Variants in TPD52 observed in about 807,000 individuals in gnomAD.
TPD52 encodes the protein prostate and colon associated protein.
TPD52 carries 17 observed loss-of-function variants against 31.3 expected under a neutral mutation model. The ratio of observed to expected loss-of-function variants is 0.54; its 90% CI spans 0.37 to 0.82. The LOEUF is 0.82. Among genes scored for constraint, TPD52 ranks in the 40% least tolerant of loss-of-function variants. The pLI is 0.00. For missense variants in TPD52, 212 were observed against 240.1 expected (o/e 0.88, Z 0.77); for synonymous variants, 83 against 89.6 (o/e 0.93, Z 0.42).
chr8:80,080,587 C>A (rs1815163669), intron 1 of TPD52: 3 of 1,404,740 alleles, frequency 2.1e-6, no homozygotes, highest in Non-Finnish European at 2.8e-6. Flanking sequence ...GAGGCCCTGG[C>A]TTCTGGGCCC....
At chr8:80,111,218 TAAAAATA>T (rs1281076437) in intron 1 of TPD52, among the ~76,000 whole-genome samples, 1 of 151,230 alleles carries the variant, frequency 6.6e-6, no homozygotes, top group Non-Finnish European at 1.5e-5. Flanking sequence ...TCTCTAAAAA[TAAAAATA>T]AAAAATAAAA....
At chr8:80,134,048 C>A (rs1183361269) in intron 1 of TPD52, among the ~76,000 whole-genome samples, 1 of 152,206 alleles carries the variant, frequency 6.6e-6, no homozygotes, top group African/African-American at 2.4e-5. Context: ...GAGTCAGTGA[C>A]ATGGCAGACA....
chr8:80,102,649 T>C (rs1334569922), intron 1 of TPD52, among the ~76,000 whole-genome samples: 1 of 152,196 alleles, frequency 6.6e-6, no homozygotes, highest in African/African-American at 2.4e-5. Context: ...TTTCCTGACA[T>C]AGAGCTCCTA....
Position 80,072,377 on chromosome 8 carries a change from A to G in TPD52, c.20-7784T>C, listed in dbSNP as rs1332868382. Among the ~76,000 whole-genome samples, 406 of 147,006 alleles carry G rather than the reference A, an allele frequency of 2.8e-3. 29 individuals are homozygous for G. Among genetic ancestry groups the G allele is most frequent in the African/African-American group, 0.01 (381 of 37,996 alleles). On this transcript the variant is annotated intron_variant, in intron 1 of 7. Coordinates refer to ENST00000518937, the MANE Select transcript of TPD52 (RefSeq NM_001025253.3). ...TGTGTATATACATGTACACATAGAT[A>G]TGCGTGTATATACATGTACACATAG... is the stretch of plus-strand genomic sequence containing the variant.
intron 1 of TPD52, among the ~76,000 whole-genome samples, chr8:80,090,946 G>T (rs1816208070): frequency 6.6e-6 from 1 of 152,176 alleles, no homozygotes; most frequent in African/African-American, 2.4e-5. Flanking sequence ...AACTAAAATT[G>T]AGTTAATGTC....
chr8:80,120,229 C>T (rs1808164470), intron 1 of TPD52, among the ~76,000 whole-genome samples: 1 of 152,104 alleles, frequency 6.6e-6, no homozygotes, highest in Admixed American at 6.6e-5. Flanking sequence ...GTGGCTCATG[C>T]CTGTAATCCT....
intron 1 of TPD52, among the ~76,000 whole-genome samples, chr8:80,091,044 G>A (rs566432652): frequency 6.6e-6 from 1 of 152,314 alleles, no homozygotes; most frequent in South Asian, 2.1e-4. Context: ...AGCATAAGAT[G>A]TCATTCCCTC....
In TPD52 at chr8:80,171,363, A is replaced by AAAGCCCGAGTCCAAGCCCGAGTCC. The variant is rs201086010; in HGVS notation, c.19+38_19+61dup. The AAAGCCCGAGTCCAAGCCCGAGTCC allele has an allele frequency of 1.1e-5, 18 of 1,588,136 alleles. 1 individual carries two copies. In the Admixed American group the frequency reaches 2.0e-4, roughly 18 times the overall value. On this transcript the variant is annotated intron_variant, in intron 1 of 7. Coordinates refer to ENST00000518937, the MANE Select transcript of TPD52 (RefSeq NM_001025253.3). ...GCCGCGCTCAGCCCCGCGCCGAGCC[A>AAAGCCCGAGTCCAAGCCCGAGTCC]AAGCCCGAGTCCAAGCCCGAGTCCA...
At chr8:80,165,681 T>C (rs1478052789) in intron 1 of TPD52, among the ~76,000 whole-genome samples, 1 of 152,220 alleles carries the variant, frequency 6.6e-6, no homozygotes, top group African/African-American at 2.4e-5. Context: ...AAACCTTACC[T>C]TCCTAGTTAC....
intron 2 of TPD52, among the ~76,000 whole-genome samples, chr8:80,058,599 AC>A (rs917485398): frequency 4.8e-4 from 73 of 152,268 alleles, no homozygotes; most frequent in African/African-American, 1.6e-3. Context: ...GGAGTTCAAG[AC>A]CAGCCTGGCC....
intron 1 of TPD52, among the ~76,000 whole-genome samples, chr8:80,096,599 T>C (rs1816763886): frequency 1.3e-5 from 2 of 152,154 alleles, no homozygotes; most frequent in Non-Finnish European, 2.9e-5. Context: ...ATTTTGCTAA[T>C]TCTCTCATTA....
At chr8:80,151,581 G>GT (rs1455875236) in intron 1 of TPD52, among the ~76,000 whole-genome samples, 4 of 152,140 alleles carry the variant, frequency 2.6e-5, no homozygotes, top group African/African-American at 7.2e-5. Flanking sequence ...AAAAAGATCA[G>GT]TTTTTTCTGG....
chr8:80,102,362 T>G (rs2130935369), intron 1 of TPD52, among the ~76,000 whole-genome samples: 1 of 152,304 alleles, frequency 6.6e-6, no homozygotes, highest in South Asian at 2.1e-4. Context: ...GTCAGCTGGT[T>G]TTCCAGAGAA....
chr8:80,044,129 G>C (rs1183404088), intron 6 of TPD52, 38 bp downstream of exon 6: 69 of 1,537,048 alleles, frequency 4.5e-5, no homozygotes, highest in Non-Finnish European at 5.6e-5. Flanking sequence ...GAAAAATAAA[G>C]CATAAGACCA....
chr8:80,065,799 A>T (rs889012785), intron 1 of TPD52, among the ~76,000 whole-genome samples: 34 of 152,124 alleles, frequency 2.2e-4, no homozygotes, highest in African/African-American at 7.0e-4. Flanking sequence ...TTTTACATTA[A>T]TTTTTAAAAA....
At chr8:80,108,943 A>AT (rs1318938673) in intron 1 of TPD52, among the ~76,000 whole-genome samples, 6 of 152,226 alleles carry the variant, frequency 3.9e-5, no homozygotes, top group East Asian at 1.9e-4. Context: ...ACTTGTGAAG[A>AT]TTTTTTTTAT....
At chr8:80,115,809 T>A (rs1385141613) in intron 1 of TPD52, among the ~76,000 whole-genome samples, 1 of 152,178 alleles carries the variant, frequency 6.6e-6, no homozygotes. Context: ...AGAACGGAAA[T>A]GGAGGATAAA....
chr8:80,144,383 G>A (rs917726154), intron 1 of TPD52, among the ~76,000 whole-genome samples: 13 of 152,088 alleles, frequency 8.5e-5, no homozygotes, highest in African/African-American at 2.7e-4. Context: ...ATATGGGACA[G>A]CCCATAAAAA....
intron 1 of TPD52, among the ~76,000 whole-genome samples, chr8:80,068,382 A>G (rs1231286118): frequency 6.6e-6 from 1 of 152,334 alleles, no homozygotes; most frequent in East Asian, 1.9e-4. Flanking sequence ...CAGGACAAGG[A>G]AACAGGGCCT....
Sources: allele counts gnomAD v4.1 joint callset (sites outside exome capture counted in the v4.1 genomes callset), GRCh38; gene constraint gnomAD v4.1.1; transcripts MANE v1.5; gene names NCBI Gene and HGNC (gene_info 2026-07-23, HGNC 2026-07-21).